Variants in CHID1 observed in about 807,000 individuals in gnomAD.
The protein encoded by CHID1 is chitinase domain containing 1, also known as chitinase domain-containing protein 1.
A neutral mutation model predicts 55.4 loss-of-function variants in CHID1; 44 were observed. That is an observed-to-expected ratio of 0.79 (90% CI 0.62 to 1.02). The LOEUF (loss-of-function observed/expected upper bound fraction) is 1.02, where lower values mean the gene tolerates loss of function less well. Among genes scored for constraint, CHID1 ranks in the 50% least tolerant of loss-of-function variants. CHID1 has a pLI of 0.00. For synonymous variants in CHID1, 216 were observed against 212.9 expected, an observed-to-expected ratio of 1.01 and a Z score of -0.13; for missense variants, 491 against 515.3, an observed-to-expected ratio of 0.95 and a Z score of 0.46.
rs1851532487 is a variant in CHID1 at position 898,345 on chromosome 11, T to G, written c.608+995A>C. ...CTCTTAAAGCCCAACCAGAACTACT[T>G]CAGGTGGTGGGGGCGGGGGAGCCGA... On this transcript the variant is annotated intron_variant, in intron 7 of 12. Coordinates refer to ENST00000323578, the MANE Select transcript of CHID1 (RefSeq NM_023947.4). 5.9e-5 allele frequency among the ~76,000 whole-genome samples: 9 copies of G among 151,640 alleles called. No homozygotes were observed. The South Asian group carries it at 1.9e-3, about 32-fold the overall frequency.
intron 12 of CHID1, 65 bp from the exon 13 acceptor site, chr11:870,021 C>T: frequency 1.2e-6 from 2 of 1,607,622 alleles, no homozygotes; most frequent in Non-Finnish European, 8.5e-7. Flanking sequence ...GGGATGTCCT[C>T]CAGGCCGAGG....
chr11:877,895 T>C (rs1258089560), intron 10 of CHID1, among the ~76,000 whole-genome samples: 1 of 151,920 alleles, frequency 6.6e-6, no homozygotes, highest in Non-Finnish European at 1.5e-5. Context: ...TCATGAGGGC[T>C]CCGCCCTGGT....
chr11:892,701 C>A (rs1204401493), intron 8 of CHID1, among the ~76,000 whole-genome samples: 2 of 152,238 alleles, frequency 1.3e-5, no homozygotes, highest in African/African-American at 2.4e-5. Context: ...TCTGTCCCAG[C>A]ACTGCCTTGC....
chr11:884,807 C>T (rs753669341), intron 8 of CHID1, among the ~76,000 whole-genome samples: 1 of 152,230 alleles, frequency 6.6e-6, no homozygotes, highest in Non-Finnish European at 1.5e-5. Context: ...ATGGGCACCG[C>T]GGAGGAAGCG....
At chr11:886,256 T>TG (rs1425423919) in intron 8 of CHID1, among the ~76,000 whole-genome samples, 1 of 150,916 alleles carries the variant, frequency 6.6e-6, no homozygotes, top group Non-Finnish European at 1.5e-5. Flanking sequence ...GCTCAGGAGT[T>TG]GGAGTCCAGC....
chr11:879,036 C>T (rs189833599), intron 10 of CHID1, among the ~76,000 whole-genome samples: 197 of 152,222 alleles, frequency 1.3e-3, no homozygotes, highest in South Asian at 3.1e-3. Flanking sequence ...TTAGTAAAGA[C>T]GGGGTTTCAC....
At chr11:882,883 TG>T in intron 10 of CHID1, 1 of 401,422 alleles carries the variant, frequency 2.5e-6, no homozygotes. Flanking sequence ...GGCTGACGGG[TG>T]GGGGAAGCCT....
chr11:888,191 G>A (rs891776850), intron 8 of CHID1, among the ~76,000 whole-genome samples: 3 of 152,292 alleles, frequency 2.0e-5, no homozygotes, highest in Middle Eastern at 6.8e-3. Context: ...GGCTAAGAAC[G>A]GTCCTCACGC....
intron 9 of CHID1, 110 bp from the exon 10 acceptor site, chr11:883,413 C>A: frequency 8.7e-6 from 10 of 1,149,164 alleles, no homozygotes; most frequent in Non-Finnish European, 1.2e-5. Flanking sequence ...CGGCTGACAC[C>A]TCTAGAGAGT....
intron 8 of CHID1, among the ~76,000 whole-genome samples, chr11:888,020 G>T (rs1011638556): frequency 6.6e-6 from 1 of 152,218 alleles, no homozygotes; most frequent in Non-Finnish European, 1.5e-5. Flanking sequence ...AAGCAGGAAG[G>T]GGCAGTCCTG....
At chr11:893,354 G>A (rs1403817649) in intron 8 of CHID1, 73 bp downstream of exon 8, 50 of 1,300,778 alleles carry the variant, frequency 3.8e-5, no homozygotes, top group Non-Finnish European at 2.7e-5. Context: ...CCCTTTGGCC[G>A]ACACCCTGCA....
At chr11:885,603 C>T (rs1302308723) in intron 8 of CHID1, among the ~76,000 whole-genome samples, 1 of 152,222 alleles carries the variant, frequency 6.6e-6, no homozygotes, top group Non-Finnish European at 1.5e-5. Flanking sequence ...TGCCTGGGCC[C>T]TTCTCTATAG....
At position 902,021 on chromosome 11, in the gene CHID1, C is replaced by A. The variant is rs1156505073; in HGVS notation, c.394+177G>T. 6.3e-6 allele frequency: 4 copies of A among 630,370 alleles called. No individual in the cohort carries two copies. In the East Asian group the frequency reaches 1.2e-4, roughly 18 times the overall value. 39.0% of individuals were successfully genotyped at this position (630,370 alleles called of 1,614,324 possible). On this transcript the variant is annotated intron_variant, in intron 4 of 12. Transcript: ENST00000323578. Reference sequence around the variant, plus strand: ...ACTCACAATCTCTTCTCTCCCACATCATCAGTCTCACACTTACACACTCAC... The same window carrying A: ...ACTCACAATCTCTTCTCTCCCACATAATCAGTCTCACACTTACACACTCAC...
Position 891,384 on chromosome 11 carries a change from G to A in CHID1, c.701+2043C>T, listed in dbSNP as rs149854052. 2.0e-3 allele frequency among the ~76,000 whole-genome samples: 307 copies of A among 152,294 alleles called. 2 individuals carry two copies. The highest frequency in any genetic ancestry group is 7.1e-3 in the African/African-American group (297 of 41,562). On this transcript the variant is annotated intron_variant, in intron 8 of 12. Coordinates refer to ENST00000323578, the MANE Select transcript of CHID1 (RefSeq NM_023947.4). ...CCCTACAGCTGCAACCCCCACCAGC[G>A]CCATGCAAATGGAGTTGTGAGCTTT...
Position 869,612 on chromosome 11 carries a change from C to T in CHID1, c.*246G>A, listed in dbSNP as rs917345515. The stretch of plus-strand genomic sequence containing the variant: ...CTGTGGGCCCCGCCTGCCCAGCTGA[C>T]AGGAGGCAGCCAGCGGATGCCCGGG... On this transcript the variant is annotated 3_prime_UTR_variant, in exon 13 of 13. Coordinates refer to ENST00000323578, the MANE Select transcript of CHID1 (RefSeq NM_023947.4). The T allele has an allele frequency of 6.9e-6, 4 of 580,550 alleles. No homozygotes were observed. In the African/African-American group the frequency reaches 7.5e-5, roughly 11 times the overall value. 36.0% of individuals were successfully genotyped at this position (580,550 alleles called of 1,614,324 possible).
intron 5 of CHID1, among the ~76,000 whole-genome samples, chr11:900,653 G>A (rs1421937578): frequency 5.3e-5 from 8 of 152,160 alleles, no homozygotes; most frequent in African/African-American, 4.8e-5. Flanking sequence ...TCATGTGAAT[G>A]AAGGAAGAAA....
chr11:912,663 T>A (rs892418106), upstream of CHID1, among the ~76,000 whole-genome samples: 6 of 151,820 alleles, frequency 4.0e-5, no homozygotes, highest in African/African-American at 1.5e-4. Flanking sequence ...ATTAACACGG[T>A]GAAACCCCGT....
At chr11:882,982 G>T in intron 10 of CHID1, 166 bp downstream of exon 10, 1 of 697,752 alleles carries the variant, frequency 1.4e-6, no homozygotes, top group Non-Finnish European at 2.4e-6. Flanking sequence ...GGCTGCGGTG[G>T]GGTGGGCACC....
At chr11:898,281 G>A (rs1851527428) in intron 7 of CHID1, among the ~76,000 whole-genome samples, 1 of 152,184 alleles carries the variant, frequency 6.6e-6, no homozygotes, top group Non-Finnish European at 1.5e-5. Context: ...TGCCATGGCT[G>A]CTGCAGGGGA....
Sources: allele counts gnomAD v4.1 joint callset (sites outside exome capture counted in the v4.1 genomes callset), GRCh38; gene constraint gnomAD v4.1.1; transcripts MANE v1.5; gene names NCBI Gene and HGNC (gene_info 2026-07-23, HGNC 2026-07-21).